The following SLC16A12 variants were observed in gnomAD, a reference collection of about 807,000 sequenced individuals.
SLC16A12 encodes solute carrier family 16 member 12, also known as monocarboxylate transporter 12.
Under a neutral mutation model 42.4 loss-of-function variants are expected in SLC16A12, and 17 were observed. The observed-to-expected ratio is 0.40, with a 90% CI of 0.27 to 0.60. The LOEUF (loss-of-function observed/expected upper bound fraction) is 0.60, where lower values mean the gene tolerates loss of function less well. Ranked by LOEUF, SLC16A12 falls within the 20% of genes least tolerant of loss-of-function variation. The probability of loss-of-function intolerance (pLI) is 0.42; values close to 1 mark genes in which losing one functional copy is unlikely to be tolerated. For synonymous variants in SLC16A12, 224 were observed against 229.4 expected, an observed-to-expected ratio of 0.98 and a Z score of 0.21; for missense variants, 544 against 623.0, an observed-to-expected ratio of 0.87 and a Z score of 1.35.
intron 2 of SLC16A12, among the ~76,000 whole-genome samples, chr10:89,502,132 A>T (rs1842998715): frequency 6.6e-6 from 1 of 152,048 alleles, no homozygotes; most frequent in South Asian, 2.1e-4. Flanking sequence ...CAGCACAATG[A>T]CCATTTCATG....
upstream of SLC16A12, among the ~76,000 whole-genome samples, chr10:89,539,710 T>C (rs1157864566): frequency 1.3e-5 from 2 of 152,180 alleles, no homozygotes; most frequent in Middle Eastern, 3.2e-3. Flanking sequence ...AATTTGAAAT[T>C]TTGTTCTCAT....
chr10:89,451,097 A>G (rs1362687447), intron 3 of SLC16A12, among the ~76,000 whole-genome samples: 8 of 152,226 alleles, frequency 5.3e-5, no homozygotes, highest in Admixed American at 4.6e-4. Context: ...TAGCCCGGTG[A>G]TAACAGTAGG....
intron 2 of SLC16A12, among the ~76,000 whole-genome samples, chr10:89,552,653 A>G (rs954860228): frequency 8.5e-5 from 13 of 152,160 alleles, no homozygotes; most frequent in African/African-American, 3.1e-4. Flanking sequence ...CAACTCAACT[A>G]AACAGTTATT....
intron 3 of SLC16A12, among the ~76,000 whole-genome samples, chr10:89,460,087 T>C (rs894218510): frequency 6.6e-6 from 1 of 152,150 alleles, no homozygotes; most frequent in Admixed American, 6.5e-5. Context: ...AAAAGCACTA[T>C]GGGCAATTCC....
upstream of SLC16A12, among the ~76,000 whole-genome samples, chr10:89,537,777 G>A (rs1451837046): frequency 1.3e-5 from 2 of 152,198 alleles, no homozygotes; most frequent in Non-Finnish European, 2.9e-5. Context: ...CTAGGACACC[G>A]CACAAGGCTT....
At chr10:89,553,999 A>G (rs1286074770) in intron 2 of SLC16A12, among the ~76,000 whole-genome samples, 1 of 150,030 alleles carries the variant, frequency 6.7e-6, no homozygotes, top group Admixed American at 6.7e-5. Flanking sequence ...CATCTCAAAA[A>G]GAAAGAAAGA....
intron 2 of SLC16A12, among the ~76,000 whole-genome samples, chr10:89,519,166 C>T (rs1589722715): frequency 6.6e-6 from 1 of 152,046 alleles, no homozygotes; most frequent in East Asian, 1.9e-4. Context: ...AACACATATC[C>T]CATATTGATA....
In SLC16A12 at chr10:89,462,521, C is replaced by T; in HGVS notation, c.58G>A (p.Glu20Lys). 6.2e-7 allele frequency: 1 copy of T among 1,613,522 alleles called. No homozygotes were observed. The highest frequency in any genetic ancestry group is 1.1e-5 in the South Asian group (1 of 91,062). ...CTTTTTTCTTCTTTTCCAGGTTGCT[C>T]CAACAGCCAAGTTATGATCTTGGAA... is the stretch of plus-strand genomic sequence containing the variant. ...NSSKIITWLL[E>K]QPGKEEKRKT... The change falls in exon 3 of 8, where the codon GAG (glutamate) becomes AAG (lysine). Residue 20 changes from glutamate to lysine, a missense_variant. Physicochemically the swap from Glu to Lys is moderately conservative, Grantham distance 56 (BLOSUM62 1). Transcript: ENST00000371790.
chr10:89,520,104 CTCTG>C (rs1262156773), intron 2 of SLC16A12, among the ~76,000 whole-genome samples: 1 of 151,148 alleles, frequency 6.6e-6, no homozygotes, highest in Non-Finnish European at 1.5e-5. Flanking sequence ...CAGAGCAAGA[CTCTG>C]TCTGAAAAAA....
At position 89,545,726 on chromosome 10, in the gene SLC16A12, G is replaced by A. The variant is rs1411858731; in HGVS notation, c.-47+10156C>T. On this transcript the variant is annotated intron_variant, in intron 2 of 2. Transcript: ENST00000475682. ...GGTAAAACTATTTTGAATTTCATAT[G>A]GAATCAAAGAAAACCTCACATAGCC... 1.6e-4 allele frequency among the ~76,000 whole-genome samples: 24 copies of A among 152,254 alleles called. No individual in the cohort carries two copies. In the South Asian group the frequency reaches 4.8e-3, roughly 30 times the overall value.
chr10:89,488,922 G>C (rs760930225), intron 2 of SLC16A12, among the ~76,000 whole-genome samples: 1 of 152,182 alleles, frequency 6.6e-6, no homozygotes, highest in Non-Finnish European at 1.5e-5. Flanking sequence ...AAACGACTGG[G>C]GAGTGGCTTT....
Position 89,462,407 on chromosome 10 carries a change from C to T in SLC16A12, c.172G>A (p.Val58Ile), listed in dbSNP as rs185382258. 7.4e-6 allele frequency: 12 copies of T among 1,614,030 alleles called. No homozygotes were observed. Among genetic ancestry groups the T allele is most frequent in the African/African-American group, 1.3e-5 (1 of 75,036 alleles). Residue 58 changes from valine to isoleucine, a missense_variant, in exon 3 of 8, where the codon GTT (valine) becomes ATT (isoleucine). Val to Ile is a conservative substitution (Grantham distance 29, BLOSUM62 3). Coordinates refer to ENST00000371790, the MANE Select transcript of SLC16A12 (RefSeq NM_213606.4). Reference sequence around the variant, plus strand: ...GTGACTGCCCGTGTGCAGATGGTAACAAGGAAACAGCCAGCCACAATCATC... The same window carrying T: ...GTGACTGCCCGTGTGCAGATGGTAATAAGGAAACAGCCAGCCACAATCATC... Reference protein sequence around the residue: ...GWMIVAGCFLVTICTRAVTRC... With the variant: ...GWMIVAGCFLITICTRAVTRC...
chr10:89,495,384 C>T (rs575131689), intron 2 of SLC16A12, among the ~76,000 whole-genome samples: 1 of 152,162 alleles, frequency 6.6e-6, no homozygotes, highest in South Asian at 2.1e-4. Context: ...AAACAAACAT[C>T]ACACTAGGAA....
chr10:89,475,370 C>G (rs1395881849), intron 2 of SLC16A12, among the ~76,000 whole-genome samples: 1 of 152,100 alleles, frequency 6.6e-6, no homozygotes, highest in Non-Finnish European at 1.5e-5. Flanking sequence ...TTAAGAAACC[C>G]CTCTCTCTCT....
chr10:89,466,235 T>C (rs1308834430), intron 2 of SLC16A12, among the ~76,000 whole-genome samples: 1 of 152,248 alleles, frequency 6.6e-6, no homozygotes, highest in African/African-American at 2.4e-5. Context: ...TTATTTGCCA[T>C]GTGATTTAAC....
At chr10:89,450,144 T>C (rs1026675773) in intron 3 of SLC16A12, among the ~76,000 whole-genome samples, 1 of 152,152 alleles carries the variant, frequency 6.6e-6, no homozygotes, top group Non-Finnish European at 1.5e-5. Flanking sequence ...AAATAGGAAC[T>C]CTTTTACACT....
At chr10:89,452,505 A>G (rs923149043) in intron 3 of SLC16A12, among the ~76,000 whole-genome samples, 1 of 152,234 alleles carries the variant, frequency 6.6e-6, no homozygotes, top group African/African-American at 2.4e-5. Flanking sequence ...TGAAAAATTT[A>G]AAGAGACCAC....
intron 2 of SLC16A12, among the ~76,000 whole-genome samples, chr10:89,512,397 C>A (rs184439657): frequency 3.3e-5 from 5 of 152,312 alleles, no homozygotes; most frequent in Admixed American, 6.5e-5. Flanking sequence ...GGCTCCTGGG[C>A]AGCCTCAGGT....
chr10:89,533,624 G>C (rs558252156), intron 2 of SLC16A12, among the ~76,000 whole-genome samples: 10 of 152,054 alleles, frequency 6.6e-5, no homozygotes, highest in Admixed American at 3.3e-4. Context: ...AATCAGAAAA[G>C]ACTCCAAGGA....
Sources: gnomAD v4.1 joint callset for allele counts (sites outside exome capture counted in the v4.1 genomes callset) on GRCh38, gnomAD v4.1.1 for gene constraint, MANE v1.5 for transcripts, NCBI Gene and HGNC (gene_info 2026-07-23, HGNC 2026-07-21) for gene names.